The following ARFIP1 variants were observed in gnomAD, a reference collection of about 807,000 sequenced individuals.
ARFIP1 encodes the protein ARF interacting protein 1.
ARFIP1 carries 24 observed loss-of-function variants against 42.5 expected under a neutral mutation model. The observed-to-expected ratio is 0.57, with a 90% confidence interval of 0.41 to 0.80. The LOEUF (loss-of-function observed/expected upper bound fraction) is 0.80, where lower values mean the gene tolerates loss of function less well. Ranked by LOEUF, ARFIP1 falls within the 30% of genes least tolerant of loss-of-function variation. ARFIP1 has a pLI of 0.00. For missense variants in ARFIP1, 354 were observed against 434.0 expected (o/e 0.82, Z 1.64); for synonymous variants, 141 against 153.7 (o/e 0.92, Z 0.61).
intron 1 of ARFIP1, among the ~76,000 whole-genome samples, chr4:152,803,203 T>C (rs1249787098): frequency 6.6e-6 from 1 of 152,104 alleles, no homozygotes; most frequent in African/African-American, 2.4e-5. Flanking sequence ...ACGATTGTAG[T>C]ACTGAGAAAG....
chr4:152,885,007 T>C (rs1338201189), intron 7 of ARFIP1, among the ~76,000 whole-genome samples: 3 of 152,072 alleles, frequency 2.0e-5, no homozygotes, highest in African/African-American at 7.2e-5. Flanking sequence ...TTTTATGTCA[T>C]CCCGTAATTT....
intron 1 of ARFIP1, among the ~76,000 whole-genome samples, chr4:152,827,212 A>G (rs187457585): frequency 1.3e-3 from 196 of 152,290 alleles, no homozygotes; most frequent in Admixed American, 3.0e-3. Context: ...CAATTCTTTC[A>G]TAAGGTCATA....
chr4:152,798,055 C>G (rs1731579150), intron 1 of ARFIP1, among the ~76,000 whole-genome samples: 1 of 152,122 alleles, frequency 6.6e-6, no homozygotes, highest in Non-Finnish European at 1.5e-5. Flanking sequence ...GTCAGGAGTT[C>G]AAGACCAGCC....
rs1358197768 is a variant in ARFIP1, at chr4:152,872,532, C to G, written c.379C>G (p.Leu127Val). 1 of 1,608,344 alleles carries G rather than the reference C, an allele frequency of 6.2e-7. No homozygotes were observed. ...IKNPAMEKLELVRKWSLNTYK... is the reference protein window; with the variant it reads ...IKNPAMEKLEVVRKWSLNTYK... ...AAATCCTGCAATGGAAAAGTTAGAA[C>G]TTGTTAGAAAATGGAGTCTAAACAC... The change falls in exon 5 of 9, where the codon CTT (leucine) becomes GTT (valine). Residue 127 changes from leucine (L) to valine (V), a missense_variant. Coordinates refer to ENST00000353617, the MANE Select transcript of ARFIP1 (RefSeq NM_001025595.3).
intron 1 of ARFIP1, among the ~76,000 whole-genome samples, chr4:152,819,604 C>T (rs899457891): frequency 6.6e-6 from 1 of 152,156 alleles, no homozygotes; most frequent in Non-Finnish European, 1.5e-5. Context: ...GACTGCTACT[C>T]CTAGGGGAAG....
chr4:152,856,000 C>CT (rs1376651104), intron 2 of ARFIP1, among the ~76,000 whole-genome samples: 3 of 152,132 alleles, frequency 2.0e-5, no homozygotes, highest in Admixed American at 2.0e-4. Flanking sequence ...GATATCTACT[C>CT]TTTTGGTTCT....
chr4:152,825,437 A>G (rs906028047), intron 1 of ARFIP1, among the ~76,000 whole-genome samples: 8 of 152,230 alleles, frequency 5.3e-5, no homozygotes, highest in African/African-American at 1.4e-4. Context: ...ATACAAAAGC[A>G]GAGTGGGGAA....
chr4:152,798,552 T>C (rs775413950), intron 1 of ARFIP1, among the ~76,000 whole-genome samples: 2 of 152,232 alleles, frequency 1.3e-5, no homozygotes, highest in Non-Finnish European at 2.9e-5. Flanking sequence ...GATTTCCTAA[T>C]TGAACCAATC....
chr4:152,883,399 A>G (rs539342886), intron 7 of ARFIP1: 1 of 152,202 alleles, frequency 6.6e-6, no homozygotes, highest in South Asian at 2.1e-4. Context: ...AGCCAGACCC[A>G]TACTTTCAGT....
At chr4:152,863,959 GAAAT>G (rs1302727946) in intron 3 of ARFIP1, among the ~76,000 whole-genome samples, 2 of 152,120 alleles carry the variant, frequency 1.3e-5, no homozygotes, top group East Asian at 1.9e-4. Context: ...ATAAAATACT[GAAAT>G]AAAAACAAAA....
intron 2 of ARFIP1, among the ~76,000 whole-genome samples, chr4:152,847,161 C>T (rs374091252): frequency 2.0e-3 from 92 of 46,866 alleles, no homozygotes; most frequent in East Asian, 0.017. Flanking sequence ...GACAGAGTCT[C>T]ACTCTGTCGC....
At chr4:152,809,202 G>C (rs893379334) in intron 1 of ARFIP1, among the ~76,000 whole-genome samples, 19 of 152,278 alleles carry the variant, frequency 1.2e-4, no homozygotes, top group Admixed American at 9.8e-4. Context: ...CATGCTTATA[G>C]CACTGGTTCT....
intron 1 of ARFIP1, among the ~76,000 whole-genome samples, chr4:152,824,343 C>T (rs1730643896): frequency 6.6e-6 from 1 of 151,860 alleles, no homozygotes; most frequent in South Asian, 2.1e-4. Context: ...GGTAATTCTC[C>T]ATGATCGAGT....
At chr4:152,838,834 G>C (rs950989486) in intron 2 of ARFIP1, among the ~76,000 whole-genome samples, 2 of 152,092 alleles carry the variant, frequency 1.3e-5, no homozygotes, top group Non-Finnish European at 2.9e-5. Context: ...GGAGTGGTGA[G>C]AGTGGGCATC....
rs552708998 is a variant in ARFIP1 at position 152,811,578 on chromosome 4, A to G, written c.-9-18047A>G. 7.2e-5 allele frequency among the ~76,000 whole-genome samples: 11 copies of G among 152,328 alleles called. No homozygotes were observed. In the South Asian group the frequency reaches 2.3e-3, roughly 32 times the overall value. On this transcript the variant is annotated intron_variant, in intron 1 of 8. Transcript: ENST00000353617. ...GAAATGGTAAGTAGTAGATTCAGTA[A>G]TAGAGGATATCTAGAAGAGTAAAGT...
intron 8 of ARFIP1, among the ~76,000 whole-genome samples, chr4:152,908,746 G>A (rs886814925): frequency 1.3e-5 from 2 of 152,010 alleles, no homozygotes; most frequent in African/African-American, 4.8e-5. Flanking sequence ...TCTACCCTCT[G>A]TCAGGGCAGA....
chr4:152,888,235 A>G lies in ARFIP1; in HGVS notation c.894A>G (p.Gln298=), dbSNP rs1736432314. ...TTGAGCAGTCACAGCATCTCTTCCA[A>G]GCACATAAGGAAAAATATGATAAAA... is the stretch of plus-strand genomic sequence containing the variant. ...PKIEQSQHLF[Q]AHKEKYDKMR... is the part of the protein sequence containing the mutation. Residue 298 remains glutamine, a synonymous_variant, in exon 8 of 9, where the codon CAA becomes CAG. Coordinates refer to ENST00000353617, the MANE Select transcript of ARFIP1 (RefSeq NM_001025595.3). 1 of 1,611,222 alleles carries G rather than the reference A, an allele frequency of 6.2e-7. No individual in the cohort carries two copies. Among genetic ancestry groups the G allele is most frequent in the South Asian group, 1.1e-5 (1 of 90,574 alleles).
At chr4:152,850,270 G>A (rs987650327) in intron 2 of ARFIP1, among the ~76,000 whole-genome samples, 4 of 152,112 alleles carry the variant, frequency 2.6e-5, no homozygotes, top group Non-Finnish European at 5.9e-5. Context: ...CCTAGACAGC[G>A]AATATATCAG....
At chr4:152,872,021 G>A (rs373304663) in intron 4 of ARFIP1, among the ~76,000 whole-genome samples, 6 of 152,164 alleles carry the variant, frequency 3.9e-5, no homozygotes, top group African/African-American at 1.4e-4. Flanking sequence ...TATTGTTGTT[G>A]TAGTCTGCAC....
Sources: gnomAD v4.1 joint callset for allele counts (sites outside exome capture counted in the v4.1 genomes callset) on GRCh38, gnomAD v4.1.1 for gene constraint, MANE v1.5 for transcripts, NCBI Gene and HGNC (gene_info 2026-07-23, HGNC 2026-07-21) for gene names.